The following TRPM3 variants were observed in gnomAD, a reference collection of about 807,000 sequenced individuals.
The protein encoded by TRPM3 is transient receptor potential cation channel subfamily M member 3, also known as long transient receptor potential channel 3.
In TRPM3, 77 loss-of-function variants were observed where a neutral mutation model predicts 181.2. The ratio of observed to expected loss-of-function variants is 0.42; its 90% CI spans 0.35 to 0.51. The LOEUF (loss-of-function observed/expected upper bound fraction) is 0.51. Ranked by LOEUF, TRPM3 falls within the 20% of genes least tolerant of loss-of-function variation. TRPM3 has a pLI of 0.01. For missense variants in TRPM3, 1,759 were observed against 2,196.7 expected, an observed-to-expected ratio of 0.80 and a Z score of 3.98; for synonymous variants, 745 against 796.4, an observed-to-expected ratio of 0.94 and a Z score of 1.09.
At chr9:70,630,228 C>G (rs2065553568) in intron 12 of TRPM3, among the ~76,000 whole-genome samples, 1 of 152,330 alleles carries the variant, frequency 6.6e-6, no homozygotes, top group African/African-American at 2.4e-5. Context: ...CTCTGTACCT[C>G]GGTTTATGCT....
chr9:70,927,867 A>G (rs2096736502), intron 1 of TRPM3, among the ~76,000 whole-genome samples: 1 of 152,178 alleles, frequency 6.6e-6, no homozygotes, highest in Non-Finnish European at 1.5e-5. Context: ...TCACAGCTCC[A>G]ATGCAGCTTT....
chr9:71,154,849 G>T (rs1402791641), intron 1 of TRPM3, among the ~76,000 whole-genome samples: 3 of 152,154 alleles, frequency 2.0e-5, no homozygotes, highest in Non-Finnish European at 2.9e-5. Context: ...GAACGATACA[G>T]TTTAAAATTT....
chr9:71,048,091 T>C (rs2059667889), intron 1 of TRPM3, among the ~76,000 whole-genome samples: 1 of 152,216 alleles, frequency 6.6e-6, no homozygotes. Flanking sequence ...GTACAAAAGT[T>C]ATCACAGTTT....
chr9:70,536,668 C>T lies in TRPM3; in HGVS notation c.4445G>A (p.Arg1482Lys). 9.3e-6 allele frequency: 15 copies of T among 1,614,096 alleles called. No individual in the cohort carries two copies. The highest frequency in any genetic ancestry group is 1.3e-5 in the Non-Finnish European group (15 of 1,180,028). Reference sequence around the variant, plus strand: ...GTGGGTGTAGTCTGAAGAAAAAGATCTAGTGTCCATGGAGGTGATGTCCTC... The same window carrying T: ...GTGGGTGTAGTCTGAAGAAAAAGATTTAGTGTCCATGGAGGTGATGTCCTC... ...DFEDITSMDT[R>K]SFSSDYTHLP... The change falls in exon 26 of 26, where the codon AGA becomes AAA. Residue 1482 changes from arginine to lysine, a missense_variant. By Grantham distance (26) the Arg-to-Lys change is conservative. Coordinates refer to ENST00000677713, the MANE Select transcript of TRPM3 (RefSeq NM_001366145.2).
intron 3 of TRPM3, 51 bp from the exon 4 acceptor site, chr9:70,846,642 G>C (rs10868907): frequency 0.57 from 848,064 of 1,486,960 alleles, 245,282 homozygotes; most frequent in Non-Finnish European, 0.58. Context: ...ACTGGCTGAG[G>C]CTGGTTATCT....
At chr9:70,975,199 CAATTTTAAT>C (rs2097291266) in intron 1 of TRPM3, among the ~76,000 whole-genome samples, 1 of 152,122 alleles carries the variant, frequency 6.6e-6, no homozygotes, top group Non-Finnish European at 1.5e-5. Context: ...AAGCTAAAGA[CAATTTTAAT>C]GAAGGAGTTG....
At chr9:70,859,647 C>A (rs1295339210) in intron 3 of TRPM3, among the ~76,000 whole-genome samples, 1 of 152,160 alleles carries the variant, frequency 6.6e-6, no homozygotes, top group Non-Finnish European at 1.5e-5. Flanking sequence ...GAAGGATACA[C>A]ATTTTAATAA....
intron 3 of TRPM3, among the ~76,000 whole-genome samples, chr9:70,858,503 T>A (rs2095442662): frequency 6.6e-6 from 1 of 152,160 alleles, no homozygotes; most frequent in Admixed American, 6.5e-5. Flanking sequence ...AGAATCAGAA[T>A]AATTGAAGGG....
At chr9:71,098,565 G>A (rs966262041) in intron 1 of TRPM3, among the ~76,000 whole-genome samples, 1 of 152,166 alleles carries the variant, frequency 6.6e-6, no homozygotes, top group African/African-American at 2.4e-5. Context: ...AACAGATCAT[G>A]TTATATGTGG....
intron 1 of TRPM3, among the ~76,000 whole-genome samples, chr9:71,019,238 A>C (rs1174146655): frequency 6.6e-6 from 1 of 151,932 alleles, no homozygotes; most frequent in African/African-American, 2.4e-5. Flanking sequence ...CTTTTGTTCA[A>C]TATTTATTGG....
intron 1 of TRPM3, among the ~76,000 whole-genome samples, chr9:71,441,770 C>CT (rs2094139332): frequency 6.6e-6 from 1 of 151,744 alleles, no homozygotes; most frequent in Admixed American, 6.6e-5. Context: ...GTAGCTGGGA[C>CT]TACAGTCGCG....
chr9:71,341,235 G>A (rs776215112), intron 1 of TRPM3, among the ~76,000 whole-genome samples: 2 of 152,152 alleles, frequency 1.3e-5, no homozygotes, highest in Non-Finnish European at 2.9e-5. Context: ...TACTAAATGT[G>A]TCAACAAAAG....
At chr9:70,793,524 CAT>C (rs1272377282) in intron 6 of TRPM3, 1 of 407,558 alleles carries the variant, frequency 2.5e-6, no homozygotes, top group Non-Finnish European at 5.1e-6. Flanking sequence ...CATATAAACA[CAT>C]ATAAACATAC....
rs921723006 is a variant in TRPM3 at position 70,832,884 on chromosome 9, CATTT to C, written c.802-4870_802-4867del. ...CATGGGGCAAGTCTGTGAATTCATTCATTTGTTTACTTATTAAGAATTTCTTGAG... is the reference window on the plus strand; with the variant it reads ...CATGGGGCAAGTCTGTGAATTCATTCGTTTACTTATTAAGAATTTCTTGAG... On this transcript the variant is annotated intron_variant, in intron 5 of 25. Coordinates refer to ENST00000677713, the MANE Select transcript of TRPM3 (RefSeq NM_001366145.2). Among the ~76,000 whole-genome samples the C allele has an allele frequency of 5.3e-5, 8 of 152,238 alleles. No homozygotes were observed. The East Asian group carries it at 5.8e-4, about 11-fold the overall frequency.
chr9:70,956,296 C>CTTTTTTTTTTTTTTTTTTT (rs537484746), intron 1 of TRPM3, among the ~76,000 whole-genome samples: 1 of 97,142 alleles, frequency 1.0e-5, no homozygotes, highest in Non-Finnish European at 1.9e-5. Flanking sequence ...AGAAATACAC[C>CTTTTTTTTTTTTTTTTTTT]TTTTTTTTTT....
At chr9:70,870,902 A>G (rs1248013775) in intron 1 of TRPM3, among the ~76,000 whole-genome samples, 1 of 152,012 alleles carries the variant, frequency 6.6e-6, no homozygotes, top group Non-Finnish European at 1.5e-5. Flanking sequence ...TCCTGTAACC[A>G]TATGTTTATA....
intron 1 of TRPM3, among the ~76,000 whole-genome samples, chr9:71,289,198 A>T (rs1565426943): frequency 1.3e-5 from 2 of 152,140 alleles, no homozygotes; most frequent in Admixed American, 6.6e-5. Flanking sequence ...GAAAACGCTA[A>T]CTGCAGGATT....
chr9:70,885,880 T>G (rs978784227), intron 1 of TRPM3, among the ~76,000 whole-genome samples: 1 of 152,178 alleles, frequency 6.6e-6, no homozygotes, highest in African/African-American at 2.4e-5. Flanking sequence ...AAGTCTCTGG[T>G]ACTTAGCATA....
chr9:70,803,762 T>C (rs1473149511), intron 6 of TRPM3, among the ~76,000 whole-genome samples: 2 of 148,828 alleles, frequency 1.3e-5, no homozygotes, highest in Non-Finnish European at 3.0e-5. Context: ...GCTCCCCTTT[T>C]TTACCTATAG....
Sources: allele counts gnomAD v4.1 joint callset (sites outside exome capture counted in the v4.1 genomes callset), GRCh38; gene constraint gnomAD v4.1.1; transcripts MANE v1.5; gene names NCBI Gene and HGNC (gene_info 2026-07-23, HGNC 2026-07-21).